The following GPC6 variants were observed in gnomAD, a reference collection of about 807,000 sequenced individuals.
The protein encoded by GPC6 is glypican 6.
A neutral mutation model predicts 55.2 loss-of-function variants in GPC6; 14 were observed. The observed-to-expected ratio is 0.25, with a 90% CI of 0.17 to 0.40. The LOEUF (loss-of-function observed/expected upper bound fraction) is 0.40. GPC6 is among the 10% of genes least tolerant of loss of function. The pLI is 1.00. For missense variants in GPC6, 641 were observed against 708.5 expected, an observed-to-expected ratio of 0.90 and a Z score of 1.08; for synonymous variants, 278 against 259.6, an observed-to-expected ratio of 1.07 and a Z score of -0.68.
chr13:93,544,990 C>T (rs1874700514), intron 1 of GPC6, among the ~76,000 whole-genome samples: 1 of 151,962 alleles, frequency 6.6e-6, no homozygotes, highest in Admixed American at 6.6e-5. Flanking sequence ...AAAATAAAAG[C>T]CAGGAAAAAA....
intron 2 of GPC6, among the ~76,000 whole-genome samples, chr13:93,553,295 T>C (rs1291237811): frequency 6.6e-6 from 1 of 152,136 alleles, no homozygotes; most frequent in Admixed American, 6.6e-5. Context: ...ACAGCACTTG[T>C]ATGCTTTTTG....
chr13:93,243,162 C>CTAG (rs777522791), intron 1 of GPC6, among the ~76,000 whole-genome samples: 25 of 152,330 alleles, frequency 1.6e-4, no homozygotes, highest in Middle Eastern at 3.4e-3. Flanking sequence ...GCTGCAAGGG[C>CTAG]TAGAGATGCC....
At chr13:93,537,923 CA>C (rs1268892067) in intron 1 of GPC6, among the ~76,000 whole-genome samples, 6 of 151,974 alleles carry the variant, frequency 3.9e-5, no homozygotes, top group Non-Finnish European at 8.8e-5. Context: ...CTGAAAATAT[CA>C]GGAAGACTTG....
intron 1 of GPC6, among the ~76,000 whole-genome samples, chr13:93,378,030 CT>C (rs1874995524): frequency 1.3e-5 from 2 of 152,128 alleles, no homozygotes; most frequent in Non-Finnish European, 2.9e-5. Flanking sequence ...TTCTAATTTG[CT>C]TTTTATTTGC....
At chr13:93,640,324 C>T (rs1450148532) in intron 2 of GPC6, among the ~76,000 whole-genome samples, 2 of 152,020 alleles carry the variant, frequency 1.3e-5, no homozygotes, top group Non-Finnish European at 2.9e-5. Flanking sequence ...TCAAGTATTG[C>T]GTGCTTACTA....
chr13:94,177,217 C>T (rs1025283716), intron 4 of GPC6, among the ~76,000 whole-genome samples: 5 of 151,964 alleles, frequency 3.3e-5, no homozygotes, highest in African/African-American at 4.8e-5. Flanking sequence ...TAAGAGAACA[C>T]GATGTAAATT....
rs187228603 is a variant in GPC6 at position 93,744,292 on chromosome 13, G to C, written c.320-85862G>C. On this transcript the variant is annotated intron_variant, in intron 2 of 8. Transcript: ENST00000377047. ...CTTCTTCACTCTTTTATCTTCCTCAGCTCAGTCCTTACATTGATGAAGCTC... is the reference window on the plus strand; with the variant it reads ...CTTCTTCACTCTTTTATCTTCCTCACCTCAGTCCTTACATTGATGAAGCTC... Among the ~76,000 whole-genome samples the C allele has an allele frequency of 6.4e-4, 97 of 152,040 alleles. 1 individual carries two copies. Among genetic ancestry groups the C allele is most frequent in the South Asian group, 8.3e-4 (4 of 4,812 alleles).
upstream of GPC6, among the ~76,000 whole-genome samples, chr13:93,225,496 T>G (rs1383205135): frequency 1.8e-4 from 2 of 11,068 alleles, no homozygotes; most frequent in East Asian, 0.015. Flanking sequence ...GTTTTTTTTT[T>G]TGTTTTGTTT....
At chr13:93,440,215 G>A (rs940439400) in intron 1 of GPC6, among the ~76,000 whole-genome samples, 1 of 152,264 alleles carries the variant, frequency 6.6e-6, no homozygotes, top group East Asian at 1.9e-4. Context: ...CTTCACAGAT[G>A]TTATTTCTTC....
At chr13:93,585,820 A>G (rs1283583308) in intron 2 of GPC6, among the ~76,000 whole-genome samples, 1 of 152,220 alleles carries the variant, frequency 6.6e-6, no homozygotes, top group East Asian at 1.9e-4. Flanking sequence ...TCAACAGCTC[A>G]TTTTAAAATG....
rs565569821 is a variant in GPC6 at position 93,907,833 on chromosome 13, A to T, written c.711+77288A>T. ...TAGTTATACAGTTTTTGTCTTAGTA[A>T]TTGTCACTACCTATATTGTATATGT... On this transcript the variant is annotated intron_variant, in intron 3 of 8. Coordinates refer to ENST00000377047, the MANE Select transcript of GPC6 (RefSeq NM_005708.5). 6.6e-5 allele frequency among the ~76,000 whole-genome samples: 10 copies of T among 152,212 alleles called. No individual in the cohort carries two copies. The South Asian group carries it at 2.1e-3, about 32-fold the overall frequency.
intron 6 of GPC6, among the ~76,000 whole-genome samples, chr13:94,370,152 T>G (rs1429745070): frequency 6.6e-6 from 1 of 152,246 alleles, no homozygotes; most frequent in Non-Finnish European, 1.5e-5. Context: ...TCTTGGAGGC[T>G]AAAACTTGGG....
intron 2 of GPC6, among the ~76,000 whole-genome samples, chr13:93,764,945 G>A (rs1487433685): frequency 3.9e-5 from 6 of 151,920 alleles, no homozygotes; most frequent in Non-Finnish European, 5.9e-5. Context: ...GACTACAGGC[G>A]CGTGCCACCA....
chr13:94,148,854 G>C (rs1887644886), intron 4 of GPC6, among the ~76,000 whole-genome samples: 2 of 152,032 alleles, frequency 1.3e-5, no homozygotes, highest in African/African-American at 4.8e-5. Context: ...ACCTCTTAGA[G>C]TTTCAATGAC....
chr13:94,010,981 A>T (rs1454989824), intron 3 of GPC6, among the ~76,000 whole-genome samples: 1 of 152,180 alleles, frequency 6.6e-6, no homozygotes, highest in Non-Finnish European at 1.5e-5. Flanking sequence ...CACCAAGATG[A>T]TATTAAAGTT....
intron 4 of GPC6, among the ~76,000 whole-genome samples, chr13:94,035,322 G>A (rs200641596): frequency 6.6e-6 from 1 of 151,814 alleles, no homozygotes; most frequent in Non-Finnish European, 1.5e-5. Context: ...ATTCCAGAAG[G>A]CCAGAAACCC....
chr13:93,544,544 T>G (rs1171533305), intron 1 of GPC6, among the ~76,000 whole-genome samples: 4 of 152,206 alleles, frequency 2.6e-5, no homozygotes, highest in Non-Finnish European at 4.4e-5. Context: ...CATTTTAATT[T>G]CATGAAGCAA....
At chr13:94,093,205 AT>A (rs1885552462) in intron 4 of GPC6, among the ~76,000 whole-genome samples, 1 of 151,848 alleles carries the variant, frequency 6.6e-6, no homozygotes, top group African/African-American at 2.4e-5. Flanking sequence ...ATGTCAAAAA[AT>A]TTTTTTCCTC....
intron 2 of GPC6, among the ~76,000 whole-genome samples, chr13:93,579,753 A>G (rs1876848018): frequency 6.6e-6 from 1 of 152,188 alleles, no homozygotes; most frequent in Admixed American, 6.5e-5. Flanking sequence ...TTTAGGACTC[A>G]TAAGACGAGA....
Sources: allele counts gnomAD v4.1 joint callset (sites outside exome capture counted in the v4.1 genomes callset), GRCh38; gene constraint gnomAD v4.1.1; transcripts MANE v1.5; gene names NCBI Gene and HGNC (gene_info 2026-07-23, HGNC 2026-07-21).